DNAH10: variants seen among roughly 807,000 people sequenced by gnomAD.
DNAH10 encodes dynein axonemal heavy chain 10.
DNAH10 carries 348 observed loss-of-function variants against 506.6 expected under a neutral mutation model. The observed-to-expected ratio is 0.69, with a 90% CI of 0.63 to 0.75. DNAH10 has a LOEUF of 0.75. Ranked by LOEUF, DNAH10 falls within the 30% of genes least tolerant of loss-of-function variation. The pLI is 0.00. For missense variants in DNAH10, 5,179 were observed against 5,787.1 expected (o/e 0.89, Z 3.41); for synonymous variants, 2,059 against 2,198.6 (o/e 0.94, Z 1.78).
rs773756598 is a variant in DNAH10 at position 123,919,080 on chromosome 12, T to C, written c.11506+131T>C. On this transcript the variant is annotated intron_variant, in intron 65 of 78. Transcript: ENST00000673944. This position sits in a 1 kb window ranked among gnomAD's most constrained non-coding sequence, Gnocchi z 4.9. ...TTTCTTTTTTCTTTCTTTCTTTCTT[T>C]TTCTTTTTTTTTTGAGATAGGGTCT... The C allele has an allele frequency of 4.0e-6, 5 of 1,235,920 alleles. No individual in the cohort carries two copies. Among genetic ancestry groups the C allele is most frequent in the Non-Finnish European group, 5.4e-6 (5 of 926,026 alleles). 76.6% of individuals were successfully genotyped at this position (1,235,920 alleles called of 1,614,324 possible). A position where few individuals can be genotyped will look rare whatever the true frequency, so the allele number is the denominator to read the frequency against.
intron 5 of DNAH10, among the ~76,000 whole-genome samples, chr12:123,777,617 A>G (rs1278574508): frequency 6.6e-6 from 1 of 152,204 alleles, no homozygotes; most frequent in Admixed American, 6.5e-5. Context: ...ACTCAAGAAC[A>G]TTGGCTACCT....
At chr12:123,864,366 C>T (rs1006400931) in intron 39 of DNAH10, among the ~76,000 whole-genome samples, 5 of 151,850 alleles carry the variant, frequency 3.3e-5, no homozygotes, top group African/African-American at 1.2e-4. Context: ...AGACTGGTCT[C>T]GAACTCCTGA....
At chr12:123,872,551 T>C (rs1952077052) in intron 45 of DNAH10, among the ~76,000 whole-genome samples, 1 of 152,184 alleles carries the variant, frequency 6.6e-6, no homozygotes. Flanking sequence ...ACCTGCACTT[T>C]GGGTGCCCTA....
At position 123,826,909 on chromosome 12, in the gene DNAH10, T is replaced by TC; in HGVS notation, c.4391+13dup. ...GGCACTAAGAGACAGGTTTGTTTTG[T>TC]CCTCTGTCCGCAGATGTAAAAGTGT... On this transcript the variant is annotated intron_variant, in intron 25 of 78. Coordinates refer to ENST00000673944, the MANE Select transcript of DNAH10 (RefSeq NM_001372106.1). The TC allele has an allele frequency of 6.2e-7, 1 of 1,606,176 alleles. No individual in the cohort carries two copies. The highest frequency in any genetic ancestry group is 8.5e-7 in the Non-Finnish European group (1 of 1,175,152).
At chr12:123,869,170 C>T (rs1007393384) in intron 43 of DNAH10, among the ~76,000 whole-genome samples, 3 of 152,194 alleles carry the variant, frequency 2.0e-5, no homozygotes, top group African/African-American at 7.2e-5. Context: ...ACCTACTCTG[C>T]CTCTGAGACT....
chr12:123,933,552 G>A (rs1955320145), intron 77 of DNAH10, 41 bp downstream of exon 77: 1 of 1,538,608 alleles, frequency 6.5e-7, no homozygotes. Context: ...TCTCACTTAG[G>A]ATTTCTCTCC....
rs909887665 is a variant in DNAH10, at chr12:123,875,428, G to A, written c.8136G>A (p.Val2712=). 6.2e-7 allele frequency: 1 copy of A among 1,613,860 alleles called. No individual in the cohort carries two copies. The change falls in exon 47 of 79, where the codon GTG becomes GTA. Residue 2712 remains valine (V), a synonymous_variant. Transcript: ENST00000673944. ...TTTCGCTATTCAGTGTCTTCAATGT[G>A]CCATTTCCTTCAGAGGAGTCTCTGC... is the stretch of plus-strand genomic sequence containing the variant. The part of the protein sequence containing the change: ...RFISLFSVFN[V]PFPSEESLHL...
Position 123,926,943 on chromosome 12 carries a change from G to T in DNAH10, c.12105+123G>T, listed in dbSNP as rs1193508692. ...ACAAATCAGTTGGATGCATTTCCGA[G>T]CTAAGAAGCAGTAATGAAACACTGG... On this transcript the variant is annotated intron_variant, in intron 69 of 78. Coordinates refer to ENST00000673944, the MANE Select transcript of DNAH10 (RefSeq NM_001372106.1). The surrounding 1 kb of genome is among the most constrained non-coding windows in gnomAD (Gnocchi z 4.1). The T allele has an allele frequency of 5.5e-6, 6 of 1,087,322 alleles. No homozygotes were observed. Among genetic ancestry groups the T allele is most frequent in the Non-Finnish European group, 7.8e-6 (6 of 765,104 alleles). The allele number at this position is 1,087,322 out of a possible 1,614,324, so 67.4% of individuals were successfully genotyped here.
At chr12:123,870,241 A>G (rs1951973222) in intron 43 of DNAH10, 125 bp from the exon 44 acceptor site, 2 of 1,269,848 alleles carry the variant, frequency 1.6e-6, no homozygotes, top group Admixed American at 4.5e-5. Context: ...AAGGAGCAGC[A>G]TTGAAGTACT....
In DNAH10 at chr12:123,787,260, ATCTATG is replaced by A. The variant is rs1479063110; in HGVS notation, c.1422-538_1422-533del. On this transcript the variant is annotated intron_variant, in intron 9 of 78. Transcript: ENST00000673944. This position sits in a 1 kb window ranked among gnomAD's most constrained non-coding sequence, Gnocchi z 4.6. ...TCTATATCCATCTATACAGATAGGT[ATCTATG>A]TCTATCTATGTATATGTATTTATAT... is the stretch of plus-strand genomic sequence containing the variant. Among the ~76,000 whole-genome samples, 1 of 152,210 alleles carries A rather than the reference ATCTATG, an allele frequency of 6.6e-6. No homozygotes were observed. Among genetic ancestry groups the A allele is most frequent in the Non-Finnish European group, 1.5e-5 (1 of 68,020 alleles).
In DNAH10 at chr12:123,813,830, T is replaced by C. The variant is rs891475082; in HGVS notation, c.3698T>C (p.Ile1233Thr). The C allele has an allele frequency of 5.0e-6, 8 of 1,613,254 alleles. No homozygotes were observed. The highest frequency in any genetic ancestry group is 6.8e-6 in the Non-Finnish European group (8 of 1,179,766). Residue 1233 changes from isoleucine to threonine, a missense_variant, in exon 21 of 79, where the codon ATT becomes ACT. By Grantham distance (89) the Ile-to-Thr change is moderately conservative. Around this residue, in one of 3 missense-constraint regions of DNAH10, gnomAD observed 4,844 missense variants for 5,430.5 expected, o/e 0.89. Coordinates refer to ENST00000673944, the MANE Select transcript of DNAH10 (RefSeq NM_001372106.1). ...TTTGTCCTTGCAACAATTGCAGAAA[T>C]TAGAAGTAAATCTCTAGTCATGGAA... ...LKFVLATIAE[I>T]RSKSLVMELR...
Position 123,813,848 on chromosome 12 carries a change from T to C in DNAH10, c.3716T>C (p.Val1239Ala), listed in dbSNP as rs776219588. Residue 1239 changes from valine (V) to alanine (A), a missense_variant, in exon 21 of 79, where the codon GTC (valine) becomes GCC (alanine). By Grantham distance (64) the Val-to-Ala change is moderately conservative. Around this residue, in one of 3 missense-constraint regions of DNAH10, gnomAD observed 4,844 missense variants for 5,430.5 expected, o/e 0.89. Transcript: ENST00000673944. Reference protein sequence around the residue: ...TIAEIRSKSLVMELRYRDVQE... With the variant: ...TIAEIRSKSLAMELRYRDVQE... The stretch of plus-strand genomic sequence containing the variant: ...GCAGAAATTAGAAGTAAATCTCTAG[T>C]CATGGAACTCAGATATAGGGACGTC... The C allele has an allele frequency of 1.9e-6, 3 of 1,613,286 alleles. No homozygotes were observed.
intron 65 of DNAH10, among the ~76,000 whole-genome samples, chr12:123,922,366 A>C (rs781672059): frequency 6.6e-6 from 1 of 152,070 alleles, no homozygotes; most frequent in Non-Finnish European, 1.5e-5. Context: ...AAACAAAAAA[A>C]CTCACCATTT....
At chr12:123,791,952 G>T (rs748801929) in intron 11 of DNAH10, among the ~76,000 whole-genome samples, 30 of 152,104 alleles carry the variant, frequency 2.0e-4, no homozygotes, top group Non-Finnish European at 3.8e-4. Context: ...CACAATTTTA[G>T]ATGTTTCTTT....
In DNAH10 at chr12:123,813,433, A is replaced by G. The variant is rs1959020862; in HGVS notation, c.3414A>G (p.Ala1138=). 3.1e-6 allele frequency: 5 copies of G among 1,614,250 alleles called. No individual in the cohort carries two copies. The highest frequency in any genetic ancestry group is 4.2e-6 in the Non-Finnish European group (5 of 1,180,044). The part of the protein sequence containing the change: ...KFAAKKPPCV[A]YDEKLQFYSK... ...CTGCCAAGAAACCTCCTTGTGTAGC[A>G]TATGATGAAAAGTTGCAGTTCTATT... The change falls in exon 20 of 79, where the codon GCA becomes GCG. Residue 1138 remains alanine, a synonymous_variant. Transcript: ENST00000673944.
intron 55 of DNAH10, among the ~76,000 whole-genome samples, 166 bp downstream of exon 55, chr12:123,898,133 C>T (rs927598302): frequency 1.3e-5 from 2 of 152,182 alleles, no homozygotes; most frequent in African/African-American, 4.8e-5. Flanking sequence ...TGGGCAGGAC[C>T]CTGGCATGTC....
Position 123,848,078 on chromosome 12 carries a change from G to A in DNAH10, c.5932G>A (p.Glu1978Lys), listed in dbSNP as rs753565239. The stretch of plus-strand genomic sequence containing the variant: ...GCTCTGTGTTGTCACCAACTGTGGC[G>A]AAGGCATGGATTACAGGGTAAGGCC... ...GLLCVVTNCG[E>K]GMDYRAVGKI... The change falls in exon 33 of 79, where the codon GAA becomes AAA. Residue 1978 changes from glutamate to lysine, a missense_variant. Physicochemically the swap from Glu to Lys is moderately conservative, Grantham distance 56. Transcript: ENST00000673944. The A allele has an allele frequency of 6.2e-6, 10 of 1,613,680 alleles. No individual in the cohort carries two copies. Among genetic ancestry groups the A allele is most frequent in the South Asian group, 3.3e-5 (3 of 91,054 alleles).
At chr12:123,860,544 C>G (rs1951571198) in intron 38 of DNAH10, among the ~76,000 whole-genome samples, 1 of 152,052 alleles carries the variant, frequency 6.6e-6, no homozygotes, top group Non-Finnish European at 1.5e-5. Flanking sequence ...GTGAGAAATG[C>G]CCTGTCTGCT....
intron 52 of DNAH10, among the ~76,000 whole-genome samples, chr12:123,889,531 ACAAC>A (rs1241204951): frequency 6.6e-6 from 1 of 152,180 alleles, no homozygotes; most frequent in African/African-American, 2.4e-5. Flanking sequence ...GTTAACGACA[ACAAC>A]AACTACACAA....
Sources: allele counts gnomAD v4.1 joint callset (sites outside exome capture counted in the v4.1 genomes callset), GRCh38; gene constraint gnomAD v4.1.1; regional missense constraint gnomAD v4.1.1; non-coding constraint Gnocchi (gnomAD v3.1); transcripts MANE v1.5; gene names NCBI Gene and HGNC (gene_info 2026-07-23, HGNC 2026-07-21).